TNXB: variants seen among roughly 807,000 people sequenced by gnomAD.
TNXB encodes tenascin XB.
In TNXB, 183 loss-of-function variants were observed where a neutral mutation model predicts 340.5. That is an observed-to-expected ratio of 0.54 (90% CI 0.48 to 0.61). TNXB has a LOEUF of 0.61. Ranked by LOEUF, TNXB falls within the 20% of genes least tolerant of loss-of-function variation. TNXB has a pLI of 0.00. For missense variants in TNXB, 4,613 were observed against 5,446.4 expected, an observed-to-expected ratio of 0.85 and a Z score of 4.82; for synonymous variants, 2,121 against 2,314.5, an observed-to-expected ratio of 0.92 and a Z score of 2.40.
chr6:32,059,115 G>C (rs1322164751), intron 21 of TNXB, among the ~76,000 whole-genome samples: 3 of 151,798 alleles, frequency 2.0e-5, no homozygotes, highest in Non-Finnish European at 4.4e-5. Context: ...CTAGAAAAAC[G>C]TGGGCTAAAA....
rs1780037005 is a variant in TNXB at position 32,090,809 on chromosome 6, T to C, written c.2359-1430A>G. On this transcript the variant is annotated intron_variant, in intron 4 of 43. Transcript: ENST00000644971. The surrounding 1 kb of genome is among the most constrained non-coding windows in gnomAD (Gnocchi z 4.3). Reference sequence around the variant, plus strand: ...TGGCCTCAACTCAAGACCCATGAAATCCTTACCCTTCCCAGAATTTATTTG... The same window carrying C: ...TGGCCTCAACTCAAGACCCATGAAACCCTTACCCTTCCCAGAATTTATTTG... 6.6e-6 allele frequency among the ~76,000 whole-genome samples: 1 copy of C among 152,142 alleles called. No homozygotes were observed. The highest frequency in any genetic ancestry group is 6.5e-5 in the Admixed American group (1 of 15,276).
At position 32,047,960 on chromosome 6, in the gene TNXB, C is replaced by A. The variant is rs1250353011; in HGVS notation, c.10098G>T (p.Ala3366=). Residue 3366 remains alanine (A), a synonymous_variant, in exon 30 of 44, where the codon GCG becomes GCT. Transcript: ENST00000644971. This position sits in a 1 kb window ranked among gnomAD's most constrained non-coding sequence, Gnocchi z 6.2. ...ACGAGAGGCCCACGGAGTCAGGGGT[C>A]GCATCTGTCACAGTCAGCTCCCCCA... is the stretch of plus-strand genomic sequence containing the variant. ...PRLGELTVTD[A]TPDSVGLSWT... 1 of 1,611,756 alleles carries A rather than the reference C, an allele frequency of 6.2e-7. No individual in the cohort carries two copies.
chr6:32,094,998 G>C lies in TNXB; in HGVS notation c.2358+78C>G, dbSNP rs1419174260. 4.1e-6 allele frequency: 5 copies of C among 1,215,572 alleles called. No homozygotes were observed. The African/African-American group carries it at 6.0e-5, about 15-fold the overall frequency. The allele number at this position is 1,215,572 out of a possible 1,614,324, so 75.3% of individuals were successfully genotyped here. A position where few individuals can be genotyped will look rare whatever the true frequency, so the allele number is the denominator to read the frequency against. On this transcript the variant is annotated intron_variant, in intron 4 of 43. Coordinates refer to ENST00000644971, the MANE Select transcript of TNXB (RefSeq NM_001365276.2). ...TCTGGACTCAACCAATGATCACCTG[G>C]AACTTCCTCCAGGAGGTGAGCCCTG...
intron 4 of TNXB, 47 bp downstream of exon 4, chr6:32,095,029 C>T: frequency 6.8e-7 from 1 of 1,481,322 alleles, no homozygotes; most frequent in Non-Finnish European, 9.2e-7. Flanking sequence ...CCCTGCCCCC[C>T]TGTCCTGCCC....
chr6:32,060,606 A>G (rs1402693383), intron 21 of TNXB, among the ~76,000 whole-genome samples: 1 of 151,906 alleles, frequency 6.6e-6, no homozygotes, highest in Non-Finnish European at 1.5e-5. Flanking sequence ...TTACTTTCAA[A>G]TGGTTGTGAT....
intron 6 of TNXB, among the ~76,000 whole-genome samples, chr6:32,086,596 G>T (rs1042291653): frequency 2.0e-5 from 3 of 152,160 alleles, no homozygotes; most frequent in Non-Finnish European, 4.4e-5. Context: ...TGGGCCCTAT[G>T]GGGGAAGAAG....
chr6:32,043,363 C>T (rs1776570639), intron 36 of TNXB, 45 bp from the exon 37 acceptor site: 5 of 425,132 alleles, frequency 1.2e-5, no homozygotes, highest in African/African-American at 6.7e-5. Context: ...CCTCCATCCT[C>T]GGCCAGAGTC....
At position 32,056,852 on chromosome 6, in the gene TNXB, G is replaced by A. The variant is rs1191672316; in HGVS notation, c.7877C>T (p.Pro2626Leu). 7.4e-6 allele frequency: 12 copies of A among 1,612,782 alleles called. No individual in the cohort carries two copies. Among genetic ancestry groups the A allele is most frequent in the Non-Finnish European group, 1.0e-5 (12 of 1,179,786 alleles). ...CAGCTCCCCCAGGCGAGGCTTGATG[G>A]GGGGCTCAGGGGTCATGGTAGGCAC... ...QAVPTMTPEP[P>L]IKPRLGELTM... Residue 2626 changes from proline to leucine, a missense_variant, in exon 23 of 44, where the codon CCC (proline) becomes CTC (leucine). Around this residue, in one of 7 missense-constraint regions of TNXB, gnomAD observed 4,327 missense variants for 4,859.4 expected, o/e 0.89. Transcript: ENST00000644971.
rs888691668 is a variant in TNXB, at chr6:32,075,582, T to G, written c.4376-1630A>C. On this transcript the variant is annotated intron_variant, in intron 11 of 43. Coordinates refer to ENST00000644971, the MANE Select transcript of TNXB (RefSeq NM_001365276.2). The surrounding 1 kb of genome is among the most constrained non-coding windows in gnomAD (Gnocchi z 4.6). ...TCTGCTTTTCCCCACCACTCATCAC[T>G]GTCACATCCGGTGCCACTGACATAT... Among the ~76,000 whole-genome samples, 5 of 152,224 alleles carry G rather than the reference T, an allele frequency of 3.3e-5. No homozygotes were observed. In the South Asian group the frequency reaches 1.0e-3, roughly 31 times the overall value.
rs17201581 is a variant in TNXB, at chr6:32,083,818, G to A, written c.3445+595C>T. Reference sequence around the variant, plus strand: ...TGGGACTACAGGCACGCACCACCACGCCTGGCTAATATCTTTTGTTATAGT... The same window carrying A: ...TGGGACTACAGGCACGCACCACCACACCTGGCTAATATCTTTTGTTATAGT... On this transcript the variant is annotated intron_variant, in intron 8 of 43. Transcript: ENST00000644971. The surrounding 1 kb of genome is among the most constrained non-coding windows in gnomAD (Gnocchi z 4.6). 6.5e-3 allele frequency among the ~76,000 whole-genome samples: 986 copies of A among 152,068 alleles called. 13 individuals carry two copies. Among genetic ancestry groups the A allele is most frequent in the African/African-American group, 0.023 (938 of 41,496 alleles).
In TNXB at chr6:32,097,729, AC is replaced by A. The variant is rs2127293884; in HGVS notation, c.403+66del. 6.9e-7 allele frequency: 1 copy of A among 1,457,046 alleles called. No homozygotes were observed. The highest frequency in any genetic ancestry group is 1.4e-5 in the African/African-American group (1 of 70,424). The allele number at this position is 1,457,046 out of a possible 1,614,324, so 90.3% of individuals were successfully genotyped here. A position where few individuals can be genotyped will look rare whatever the true frequency, so the allele number is the denominator to read the frequency against. ...TGCCTTCTTCTAATTCATACCAAGG[AC>A]CTTTATGGACTAGCAATGCCCACCC... On this transcript the variant is annotated intron_variant, in intron 2 of 43. Coordinates refer to ENST00000644971, the MANE Select transcript of TNXB (RefSeq NM_001365276.2). The surrounding 1 kb of genome is among the most constrained non-coding windows in gnomAD (Gnocchi z 5.9).
Position 32,087,250 on chromosome 6 carries a change from C to A in TNXB, c.2780-1132G>T. The A allele has an allele frequency of 2.0e-6, 1 of 503,784 alleles. No individual in the cohort carries two copies. The highest frequency in any genetic ancestry group is 1.9e-5 in the African/African-American group (1 of 51,856). The allele number at this position is 503,784 out of a possible 1,614,324, so 31.2% of individuals were successfully genotyped here. A position where few individuals can be genotyped will look rare whatever the true frequency, so the allele number is the denominator to read the frequency against. ...TGTCCCGTGGCCCCAGCCCACACTA[C>A]CTGTGGTGGTGATGAAGGCGTAGGA... On this transcript the variant is annotated intron_variant, in intron 6 of 43. Transcript: ENST00000644971. The surrounding 1 kb of genome is among the most constrained non-coding windows in gnomAD (Gnocchi z 9.0).
chr6:32,064,953 C>T lies in TNXB; in HGVS notation c.6709G>A (p.Ala2237Thr), dbSNP rs772627987. ...TCCTCGTGTCCCGGCACCCGCACCG[C>T]CTTGGGCTGCCCGTCCCCATTCTTA... is the stretch of plus-strand genomic sequence containing the variant. ...QFKNGDGQPK[A>T]VRVPGHEDGV... Residue 2237 changes from alanine (A) to threonine (T), a missense_variant, in exon 19 of 44, where the codon GCG (alanine) becomes ACG (threonine). Ala to Thr is a moderately conservative substitution (Grantham distance 58). Transcript: ENST00000644971. This position sits in a 1 kb window ranked among gnomAD's most constrained non-coding sequence, Gnocchi z 5.3. 1 of 1,612,826 alleles carries T rather than the reference C, an allele frequency of 6.2e-7. No individual in the cohort carries two copies.
chr6:32,101,077 CAAAAAAAAAAA>C (rs35800696), intron 1 of TNXB, among the ~76,000 whole-genome samples: 14 of 46,962 alleles, frequency 3.0e-4, no homozygotes, highest in Non-Finnish European at 4.2e-4. Context: ...AACTCCATCT[CAAAAAAAAAAA>C]AAAAAAAAAA....
At position 32,068,501 on chromosome 6, in the gene TNXB, C is replaced by T. The variant is rs771629431; in HGVS notation, c.6109G>A (p.Glu2037Lys). The T allele has an allele frequency of 9.9e-6, 16 of 1,613,926 alleles. No individual in the cohort carries two copies. The highest frequency in any genetic ancestry group is 2.7e-5 in the African/African-American group (2 of 75,070). ...QPKAVRVPGH[E>K]EGVTISGLEP... ...AGGCCCGAGATGGTGACCCCTTCCT[C>T]GTGCCCTGGCACCCTCACTGCCTTG... Residue 2037 changes from glutamate to lysine, a missense_variant, in exon 17 of 44, where the codon GAG (glutamate) becomes AAG (lysine). Glu to Lys is a moderately conservative substitution (Grantham distance 56). Around this residue, in one of 7 missense-constraint regions of TNXB, gnomAD observed 4,327 missense variants for 4,859.4 expected, o/e 0.89. Coordinates refer to ENST00000644971, the MANE Select transcript of TNXB (RefSeq NM_001365276.2). This position sits in a 1 kb window ranked among gnomAD's most constrained non-coding sequence, Gnocchi z 5.3.
Position 32,096,277 on chromosome 6 carries a change from G to A in TNXB, c.1576C>T (p.Arg526Cys), listed in dbSNP as rs765809800. 6.4e-6 allele frequency: 10 copies of A among 1,559,272 alleles called. No individual in the cohort carries two copies. The highest frequency in any genetic ancestry group is 2.3e-5 in the South Asian group (2 of 85,272). The change falls in exon 3 of 44, where the codon CGT becomes TGT. Residue 526 changes from arginine (R) to cysteine (C), a missense_variant. By Grantham distance (180) the Arg-to-Cys change is radical. Coordinates refer to ENST00000644971, the MANE Select transcript of TNXB (RefSeq NM_001365276.2). ...CCACGGCAGTCCCCGGGACAGCGAC[G>A]GCTCCCACAGTCCTCACCGGTGAAG... is the stretch of plus-strand genomic sequence containing the variant. Reference protein sequence around the residue: ...PGFTGEDCGSRRCPGDCRGHG... With the variant: ...PGFTGEDCGSCRCPGDCRGHG...
At chr6:32,055,735 C>T in intron 24 of TNXB, 116 bp downstream of exon 24, 1 of 1,425,668 alleles carries the variant, frequency 7.0e-7, no homozygotes, top group Admixed American at 2.5e-5. Context: ...TTAGCAAGAT[C>T]CCCAAGCATG....
rs201510617 is a variant in TNXB, at chr6:32,042,349, C to A, written c.12224G>T (p.Arg4075Leu). The change falls in exon 41 of 44, where the codon CGC becomes CTC. Residue 4075 changes from arginine to leucine, a missense_variant. This residue lies in a region of TNXB where 121 missense variants were observed against 177.4 expected (regional missense o/e 0.68). Coordinates refer to ENST00000644971, the MANE Select transcript of TNXB (RefSeq NM_001365276.2). ...CCAGAAGTCTGTCTGTCCATCCATG[C>A]GGCGCTGGAACACCTGGGAAGCAAG... ...DGGGWLVFQRRMDGQTDFWRD... is the reference protein window; with the variant it reads ...DGGGWLVFQRLMDGQTDFWRD... 21 of 1,459,866 alleles carry A rather than the reference C, an allele frequency of 1.4e-5. No homozygotes were observed. Among genetic ancestry groups the A allele is most frequent in the African/African-American group, 3.4e-5 (2 of 58,764 alleles). 90.4% of individuals were successfully genotyped at this position (1,459,866 alleles called of 1,614,324 possible). A position where few individuals can be genotyped will look rare whatever the true frequency, so the allele number is the denominator to read the frequency against.
chr6:32,082,091 CAG>C lies in TNXB; in HGVS notation c.3679_3680del (p.Leu1227ValfsTer30), dbSNP rs746207984. ...LDPDHKYRFT[L>X]FGIANKKRYG... ...ACCGCTTCTTGTTCGCAATTCCAAA[CAG>C]AGTGAATCTGTACTTGTGGTCAGGG... is the stretch of plus-strand genomic sequence containing the variant. On this transcript the variant is annotated frameshift_variant, in exon 9 of 44. Transcript: ENST00000644971. LOFTEE classifies it high-confidence loss of function. The surrounding 1 kb of genome is among the most constrained non-coding windows in gnomAD (Gnocchi z 5.0). 21 of 1,610,280 alleles carry C rather than the reference CAG, an allele frequency of 1.3e-5. No individual in the cohort carries two copies. Among genetic ancestry groups the C allele is most frequent in the Non-Finnish European group, 1.5e-5 (18 of 1,178,562 alleles).
Sources: allele counts gnomAD v4.1 joint callset (sites outside exome capture counted in the v4.1 genomes callset), GRCh38; gene constraint gnomAD v4.1.1; regional missense constraint gnomAD v4.1.1; non-coding constraint Gnocchi (gnomAD v3.1); transcripts MANE v1.5; gene names NCBI Gene and HGNC (gene_info 2026-07-23, HGNC 2026-07-21).